Variants in EPHA8 observed in about 807,000 individuals in gnomAD.
EPHA8 encodes ephrin type-A receptor 8.
EPHA8 carries 58 observed loss-of-function variants against 103.6 expected under a neutral mutation model. The observed-to-expected ratio is 0.56, with a 90% CI of 0.45 to 0.70. The LOEUF is 0.70. Ranked by LOEUF, EPHA8 falls within the 30% of genes least tolerant of loss-of-function variation. The pLI is 0.00. For missense variants in EPHA8, 1,304 were observed against 1,395.2 expected (o/e 0.93, Z 1.04); for synonymous variants, 559 against 572.5 (o/e 0.98, Z 0.34).
At chr1:22,590,065 C>T (rs965709158) in intron 5 of EPHA8, among the ~76,000 whole-genome samples, 1 of 152,224 alleles carries the variant, frequency 6.6e-6, no homozygotes, top group African/African-American at 2.4e-5. Flanking sequence ...GAATCTAGGG[C>T]ATGCTGCTCC....
chr1:22,586,510 C>G lies in EPHA8; in HGVS notation c.854C>G (p.Pro285Arg). 1.2e-6 allele frequency: 2 copies of G among 1,613,790 alleles called. No homozygotes were observed. Among genetic ancestry groups the G allele is most frequent in the East Asian group, 2.2e-5 (1 of 44,874 alleles). ...GAGCTGGGCTTCTACAAGTCAGCCC[C>G]TGGGGACCAGCTGTGTGCCCGCTGC... ...ACELGFYKSAPGDQLCARCPP... is the reference protein window; with the variant it reads ...ACELGFYKSARGDQLCARCPP... The change falls in exon 4 of 17, where the codon CCT (proline) becomes CGT (arginine). Residue 285 changes from proline to arginine, a missense_variant. Transcript: ENST00000166244.
Position 22,597,083 on chromosome 1 carries a change from A to G in EPHA8, c.1766-229A>G, listed in dbSNP as rs1002674355. 1.7e-4 allele frequency among the ~76,000 whole-genome samples: 26 copies of G among 152,306 alleles called. No homozygotes were observed. Among genetic ancestry groups the G allele is most frequent in the African/African-American group, 6.3e-4 (26 of 41,574 alleles). ...AAAGTGACCCCAGAAAATGACAGAC[A>G]TGCCCAGAACTCACTGGAGACTCCA... On this transcript the variant is annotated intron_variant, in intron 9 of 16. Transcript: ENST00000166244. The surrounding 1 kb of genome is among the most constrained non-coding windows in gnomAD (Gnocchi z 4.6).
chr1:22,590,421 T>C (rs1249518153), intron 5 of EPHA8, among the ~76,000 whole-genome samples: 1 of 152,168 alleles, frequency 6.6e-6, no homozygotes, highest in East Asian at 1.9e-4. Context: ...GTGCCTGGCG[T>C]ATCTACTTCT....
intron 3 of EPHA8, among the ~76,000 whole-genome samples, chr1:22,579,084 C>T (rs1316689150): frequency 3.7e-4 from 37 of 100,858 alleles, no homozygotes; most frequent in Admixed American, 2.2e-3. Flanking sequence ...TGCATGTGTA[C>T]GTGCATGTGT....
chr1:22,576,395 G>A lies in EPHA8; in HGVS notation c.338G>A (p.Gly113Asp), dbSNP rs759833113. Residue 113 changes from glycine to aspartate, a missense_variant, in exon 3 of 17, where the codon GGT (glycine) becomes GAT (aspartate). Physicochemically the swap from Gly to Asp is moderately conservative, Grantham distance 94. Transcript: ENST00000166244. This position sits in a 1 kb window ranked among gnomAD's most constrained non-coding sequence, Gnocchi z 4.8. ...FTLRDCNSMP[G>D]VLGTCKETFN... The stretch of plus-strand genomic sequence containing the variant: ...CTGCGCGACTGCAACAGCATGCCTG[G>A]TGTGCTGGGCACCTGCAAGGAGACC... The A allele has an allele frequency of 1.2e-6, 2 of 1,613,898 alleles. No individual in the cohort carries two copies. The highest frequency in any genetic ancestry group is 1.1e-5 in the South Asian group (1 of 91,070).
At position 22,576,845 on chromosome 1, in the gene EPHA8, G is replaced by T; in HGVS notation, c.788G>T (p.Ser263Ile). 1 of 1,604,546 alleles carries T rather than the reference G, an allele frequency of 6.2e-7. No homozygotes were observed. Among genetic ancestry groups the T allele is most frequent in the East Asian group, 2.2e-5 (1 of 44,652 alleles). Reference protein sequence around the residue: ...WLVPIGKCVCSAGYEERRDAC... With the variant: ...WLVPIGKCVCIAGYEERRDAC... ...GTGCCCATCGGCAAATGCGTGTGCA[G>T]TGCCGGCTACGAGGAGCGGCGGGAT... Residue 263 changes from serine (S) to isoleucine (I), a missense_variant, in exon 3 of 17, where the codon AGT becomes ATT. Ser to Ile is a moderately radical substitution (Grantham distance 142). Transcript: ENST00000166244. The surrounding 1 kb of genome is among the most constrained non-coding windows in gnomAD (Gnocchi z 4.8).
At chr1:22,582,824 A>T (rs1397379168) in intron 3 of EPHA8, among the ~76,000 whole-genome samples, 1 of 152,208 alleles carries the variant, frequency 6.6e-6, no homozygotes, top group Non-Finnish European at 1.5e-5. Flanking sequence ...CAGAGTCTGA[A>T]GTCCTGGTTG....
At chr1:22,574,072 G>A (rs1460451643) in intron 2 of EPHA8, among the ~76,000 whole-genome samples, 2 of 152,206 alleles carry the variant, frequency 1.3e-5, no homozygotes, top group African/African-American at 2.4e-5. Flanking sequence ...TCCGTCCCCC[G>A]GGTTCACGCC....
rs1641487456 is a variant in EPHA8, at chr1:22,595,299, T to C, written c.1673T>C (p.Leu558Pro). The C allele has an allele frequency of 3.1e-6, 5 of 1,613,744 alleles. No individual in the cohort carries two copies. The highest frequency in any genetic ancestry group is 4.2e-6 in the Non-Finnish European group (5 of 1,179,840). ...CTCATCACGGGCCTGGTGGTGCTTCTGCTCCTGCTCATCTGCAAGAAGAGG... is the reference window on the plus strand; with the variant it reads ...CTCATCACGGGCCTGGTGGTGCTTCCGCTCCTGCTCATCTGCAAGAAGAGG... Reference protein sequence around the residue: ...LTLITGLVVLLLLLICKKRHC... With the variant: ...LTLITGLVVLPLLLICKKRHC... The change falls in exon 8 of 17, where the codon CTG (leucine) becomes CCG (proline). Residue 558 changes from leucine to proline, a missense_variant. By Grantham distance (98) the Leu-to-Pro change is moderately conservative (BLOSUM62 -3). Transcript: ENST00000166244.
chr1:22,581,842 C>T (rs569356738), intron 3 of EPHA8, among the ~76,000 whole-genome samples: 9 of 152,300 alleles, frequency 5.9e-5, no homozygotes, highest in South Asian at 4.1e-4. Context: ...GATTTGGGAA[C>T]GGAAAGCCCG....
In EPHA8 at chr1:22,598,884, G is replaced by A. The variant is rs936854890; in HGVS notation, c.2225G>A (p.Arg742Lys). Residue 742 changes from arginine (R) to lysine (K), a missense_variant, in exon 13 of 17, where the codon AGA becomes AAA. Physicochemically the swap from Arg to Lys is conservative, Grantham distance 26. Transcript: ENST00000166244. The surrounding 1 kb of genome is among the most constrained non-coding windows in gnomAD (Gnocchi z 5.1). ...ATCATGCAGCTGGTGGGCATGCTGA[G>A]AGGAGTGGGTGCCGGCATGCGCTAC... ...FTIMQLVGML[R>K]GVGAGMRYLS... 7 of 1,613,052 alleles carry A rather than the reference G, an allele frequency of 4.3e-6. No individual in the cohort carries two copies. The highest frequency in any genetic ancestry group is 4.0e-5 in the African/African-American group (3 of 74,906).
Position 22,567,617 on chromosome 1 carries a change from G to A in EPHA8, c.95-1672G>A, listed in dbSNP as rs1285207978. On this transcript the variant is annotated intron_variant, in intron 1 of 16. Coordinates refer to ENST00000166244, the MANE Select transcript of EPHA8 (RefSeq NM_020526.5). The surrounding 1 kb of genome is among the most constrained non-coding windows in gnomAD (Gnocchi z 4.2). ...CCGGCCTCCTTCAGGGTCCCTGACG[G>A]TGGGGTGGGGAGGGTGAGAGGCAGG... Among the ~76,000 whole-genome samples the A allele has an allele frequency of 6.6e-6, 1 of 152,178 alleles. No individual in the cohort carries two copies.
intron 3 of EPHA8, among the ~76,000 whole-genome samples, chr1:22,578,284 A>G (rs1236631753): frequency 7.7e-6 from 1 of 129,958 alleles, no homozygotes; most frequent in Non-Finnish European, 1.6e-5. Flanking sequence ...GTGCATGTGT[A>G]CGTGTGCATG....
chr1:22,586,786 G>GGC, intron 4 of EPHA8, 151 bp downstream of exon 4: 1 of 993,996 alleles, frequency 1.0e-6, no homozygotes, highest in Non-Finnish European at 1.5e-6. Flanking sequence ...GAGGTGGGGG[G>GGC]GGTGACTCTG....
At position 22,569,253 on chromosome 1, in the gene EPHA8, G is replaced by C. The variant is rs2124509703; in HGVS notation, c.95-36G>C. ...CTCTTGAGGAGCTGGGGAGAAGTCAGAGGGGCCTGATGCCCTCTTGTCTCC... is the reference window on the plus strand; with the variant it reads ...CTCTTGAGGAGCTGGGGAGAAGTCACAGGGGCCTGATGCCCTCTTGTCTCC... On this transcript the variant is annotated intron_variant, in intron 1 of 16. Coordinates refer to ENST00000166244, the MANE Select transcript of EPHA8 (RefSeq NM_020526.5). This position sits in a 1 kb window ranked among gnomAD's most constrained non-coding sequence, Gnocchi z 4.5. 6.2e-7 allele frequency: 1 copy of C among 1,612,020 alleles called. No homozygotes were observed. Among genetic ancestry groups the C allele is most frequent in the South Asian group, 1.1e-5 (1 of 90,934 alleles).
intron 1 of EPHA8, among the ~76,000 whole-genome samples, chr1:22,568,024 A>G (rs921859548): frequency 6.6e-6 from 1 of 152,226 alleles, no homozygotes; most frequent in African/African-American, 2.4e-5. Flanking sequence ...CCTGATTTCT[A>G]AACAGCATAA....
At chr1:22,595,122 C>T (rs1641480227) in intron 7 of EPHA8, 108 bp from the exon 8 acceptor site, 3 of 858,478 alleles carry the variant, frequency 3.5e-6, no homozygotes, top group East Asian at 5.6e-5. Context: ...CTCTGGGCTC[C>T]CCACTGGCCC....
Position 22,598,093 on chromosome 1 carries a change from C to T in EPHA8, c.2117-58C>T. The T allele has an allele frequency of 6.3e-7, 1 of 1,577,702 alleles. No individual in the cohort carries two copies. Among genetic ancestry groups the T allele is most frequent in the Non-Finnish European group, 8.7e-7 (1 of 1,148,072 alleles). On this transcript the variant is annotated intron_variant, in intron 11 of 16. Coordinates refer to ENST00000166244, the MANE Select transcript of EPHA8 (RefSeq NM_020526.5). This position sits in a 1 kb window ranked among gnomAD's most constrained non-coding sequence, Gnocchi z 5.1. Reference sequence around the variant, plus strand: ...AGATGGTGGTATGCTCCTGGGGTCTCTGATCAGCAGCCCTGAGCCCCAAAC... The same window carrying T: ...AGATGGTGGTATGCTCCTGGGGTCTTTGATCAGCAGCCCTGAGCCCCAAAC...
chr1:22,600,494 G>A (rs1294685228), intron 13 of EPHA8, among the ~76,000 whole-genome samples, 167 bp from the exon 14 acceptor site: 2 of 152,012 alleles, frequency 1.3e-5, no homozygotes, highest in Non-Finnish European at 2.9e-5. Context: ...TCTCCACAGC[G>A]GCTCTTGTGA....
Sources: allele counts gnomAD v4.1 joint callset (sites outside exome capture counted in the v4.1 genomes callset), GRCh38; gene constraint gnomAD v4.1.1; non-coding constraint Gnocchi (gnomAD v3.1); transcripts MANE v1.5; gene names NCBI Gene and HGNC (gene_info 2026-07-23, HGNC 2026-07-21).